The following PTPRF variants were observed in gnomAD, a reference collection of about 807,000 sequenced individuals.
The protein encoded by PTPRF is protein tyrosine phosphatase receptor type F.
In PTPRF, 59 loss-of-function variants were observed where a neutral mutation model predicts 201.8. The observed-to-expected ratio is 0.29, with a 90% CI of 0.24 to 0.36. The LOEUF (loss-of-function observed/expected upper bound fraction) is 0.36, where lower values mean the gene tolerates loss of function less well. PTPRF is among the 10% of genes least tolerant of loss of function. PTPRF has a pLI of 1.00. For missense variants in PTPRF, 2,132 were observed against 2,690.5 expected (o/e 0.79, Z 4.59); for synonymous variants, 1,088 against 1,089.7 (o/e 1.00, Z 0.03).
rs529058684 is a variant in PTPRF, at chr1:43,591,852, G to A, written c.1572G>A (p.Ser524=). The A allele has an allele frequency of 2.7e-4, 432 of 1,613,438 alleles. 7 individuals carry two copies. In the South Asian group the frequency reaches 3.9e-3, roughly 14 times the overall value. The stretch of plus-strand genomic sequence containing the variant: ...CGGACTTCCAGGCCGAGGTGGAGTC[G>A]GACACCAGGATCCAGCTCTCGTGGC... ...QPADFQAEVE[S]DTRIQLSWLL... is the part of the protein sequence containing the mutation. Residue 524 remains serine, a synonymous_variant, in exon 10 of 34, where the codon TCG becomes TCA. Transcript: ENST00000359947.
At chr1:43,544,892 A>C in intron 2 of PTPRF, 139 bp from the exon 3 acceptor site, 1 of 582,618 alleles carries the variant, frequency 1.7e-6, no homozygotes, top group Non-Finnish European at 3.0e-6. Context: ...TGGTCATTGC[A>C]CAGCCCAAGT....
intron 19 of PTPRF, among the ~76,000 whole-genome samples, chr1:43,605,911 G>C (rs1385948039): frequency 6.6e-6 from 1 of 152,350 alleles, no homozygotes; most frequent in Non-Finnish European, 1.5e-5. Flanking sequence ...GAGCCTCGCA[G>C]ATCTAGAAGC....
intron 22 of PTPRF, 170 bp from the exon 23 acceptor site, chr1:43,613,448 C>T: frequency 3.1e-6 from 2 of 646,816 alleles, no homozygotes; most frequent in Admixed American, 2.2e-5. Flanking sequence ...CTGTCCTCTC[C>T]CACCCTCCGC....
At chr1:43,597,130 A>G (rs529773996) in intron 11 of PTPRF, among the ~76,000 whole-genome samples, 57 of 151,664 alleles carry the variant, frequency 3.8e-4, no homozygotes, top group Non-Finnish European at 7.1e-4. Context: ...CACGTGTGAG[A>G]CACTGTGTAT....
intron 6 of PTPRF, among the ~76,000 whole-genome samples, chr1:43,577,653 G>C (rs974913406): frequency 2.0e-5 from 3 of 152,142 alleles, no homozygotes; most frequent in Non-Finnish European, 2.9e-5. Flanking sequence ...GGCAGGGGGG[G>C]CCCGGCAGCT....
chr1:43,566,140 T>C (rs911747598), intron 5 of PTPRF, among the ~76,000 whole-genome samples: 2 of 151,858 alleles, frequency 1.3e-5, no homozygotes, highest in Non-Finnish European at 1.5e-5. Flanking sequence ...CGAGGCGTGG[T>C]GTGGGGGAGG....
In PTPRF at chr1:43,605,543, T is replaced by C. The variant is rs751794621; in HGVS notation, c.3404T>C (p.Val1135Ala). The change falls in exon 19 of 34, where the codon GTT (valine) becomes GCT (alanine). Residue 1135 changes from valine (V) to alanine (A), a missense_variant. Physicochemically the swap from Val to Ala is moderately conservative, Grantham distance 64. This residue lies in a region of PTPRF where 818 missense variants were observed against 915.3 expected (regional missense o/e 0.89). Transcript: ENST00000359947. ...TGCCCACCCAGGTGGTTCTACATTG[T>C]TGTGGTGCCCATTGACCGTGTGGGC... ...DPSLVRWFYIVVVPIDRVGGS... is the reference protein window; with the variant it reads ...DPSLVRWFYIAVVPIDRVGGS... The C allele has an allele frequency of 1.4e-5, 23 of 1,613,986 alleles. No homozygotes were observed. Among genetic ancestry groups the C allele is most frequent in the Non-Finnish European group, 1.9e-5 (22 of 1,179,996 alleles).
intron 21 of PTPRF, among the ~76,000 whole-genome samples, chr1:43,609,138 C>T (rs917822797): frequency 1.3e-5 from 2 of 152,202 alleles, no homozygotes; most frequent in African/African-American, 4.8e-5. Context: ...ACCCCTTCCT[C>T]CCTGCTGCAC....
In PTPRF at chr1:43,603,545, G is replaced by A. The variant is rs767180997; in HGVS notation, c.2458+12G>A. 1.9e-6 allele frequency: 3 copies of A among 1,613,626 alleles called. No individual in the cohort carries two copies. The highest frequency in any genetic ancestry group is 2.5e-6 in the Non-Finnish European group (3 of 1,179,672). On this transcript the variant is annotated intron_variant, in intron 15 of 33. Transcript: ENST00000359947. The surrounding 1 kb of genome is among the most constrained non-coding windows in gnomAD (Gnocchi z 5.8). ...TACAACAGGTGCAGGTGAGTGAGGG[G>A]TCAGGACGGACCTGAGGGTGGGGCA...
chr1:43,556,915 T>C (rs1254611096), intron 5 of PTPRF, among the ~76,000 whole-genome samples: 2 of 152,328 alleles, frequency 1.3e-5, no homozygotes, highest in East Asian at 3.9e-4. Flanking sequence ...CGGGGGGACA[T>C]ACCTGTGCAA....
At chr1:43,577,242 G>A (rs868179339) in intron 6 of PTPRF, among the ~76,000 whole-genome samples, 26 of 152,232 alleles carry the variant, frequency 1.7e-4, no homozygotes, top group African/African-American at 5.8e-4. Flanking sequence ...ACCCCTCAGC[G>A]GCCTGAACCC....
rs200828266 is a variant in PTPRF, at chr1:43,579,223, A to G, written c.679+303A>G. ...CCCCATGGGAATTTGGAGCCATCCA[A>G]TCCGACTTCTTGGTGTATGTGCATG... On this transcript the variant is annotated intron_variant, in intron 7 of 33. Transcript: ENST00000359947. 891 of 600,678 alleles carry G rather than the reference A, an allele frequency of 1.5e-3. 6 individuals carry two copies. Among genetic ancestry groups the G allele is most frequent in the Admixed American group, 2.7e-3 (126 of 46,256 alleles). 37.2% of individuals were successfully genotyped at this position (600,678 alleles called of 1,614,324 possible).
At chr1:43,590,045 G>T (rs1008028908) in intron 8 of PTPRF, among the ~76,000 whole-genome samples, 2 of 152,164 alleles carry the variant, frequency 1.3e-5, no homozygotes, top group African/African-American at 4.8e-5. Context: ...TTAGGATACA[G>T]ATCAGGATCC....
At chr1:43,608,705 CTG>C (rs1252792776) in intron 21 of PTPRF, among the ~76,000 whole-genome samples, 4 of 152,226 alleles carry the variant, frequency 2.6e-5, no homozygotes, top group Non-Finnish European at 5.9e-5. Context: ...AGAGCAGTCA[CTG>C]TGTGGAACAG....
At position 43,598,844 on chromosome 1, in the gene PTPRF, C is replaced by T. The variant is rs759190657; in HGVS notation, c.2244C>T (p.Tyr748=). 10 of 1,614,106 alleles carry T rather than the reference C, an allele frequency of 6.2e-6. No individual in the cohort carries two copies. The highest frequency in any genetic ancestry group is 5.5e-5 in the South Asian group (5 of 91,090). ...AGATCCGCGGCTACCAGGTCACCTA[C>T]GTGCGGCTGGAGAATGGCGAGCCCC... ...HGQIRGYQVT[Y]VRLENGEPRG... The change falls in exon 13 of 34, where the codon TAC becomes TAT. Residue 748 remains tyrosine (Y), a synonymous_variant. Transcript: ENST00000359947.
In PTPRF at chr1:43,554,015, G is replaced by A. The variant is rs1645192860; in HGVS notation, c.379+74G>A. The stretch of plus-strand genomic sequence containing the variant: ...GGAAGAGCCAGCCAGCCCTGATCCT[G>A]TCCTGGGCCCATGTGCATTTGGCAG... On this transcript the variant is annotated intron_variant, in intron 5 of 33. Transcript: ENST00000359947. The surrounding 1 kb of genome is among the most constrained non-coding windows in gnomAD (Gnocchi z 4.1). 1 of 1,570,428 alleles carries A rather than the reference G, an allele frequency of 6.4e-7. No homozygotes were observed. The highest frequency in any genetic ancestry group is 8.7e-7 in the Non-Finnish European group (1 of 1,155,272).
At chr1:43,585,970 C>T (rs1337624726) in intron 7 of PTPRF, among the ~76,000 whole-genome samples, 1 of 152,208 alleles carries the variant, frequency 6.6e-6, no homozygotes. Context: ...TCCTCTCCTG[C>T]CAGCCTCTGC....
intron 23 of PTPRF, among the ~76,000 whole-genome samples, chr1:43,614,903 A>AAG (rs781453737): frequency 2.5e-4 from 38 of 152,078 alleles, no homozygotes; most frequent in African/African-American, 9.2e-4. Context: ...TTACTTAAAA[A>AAG]AGAGAGAGAG....
At chr1:43,527,875 G>A (rs1485806094), upstream of PTPRF, among the ~76,000 whole-genome samples, 1 of 152,232 alleles carries the variant, frequency 6.6e-6, no homozygotes, top group Non-Finnish European at 1.5e-5. Context: ...ACTTGGTCAG[G>A]GAGCTGTTCC....
Sources: allele counts gnomAD v4.1 joint callset (sites outside exome capture counted in the v4.1 genomes callset), GRCh38; gene constraint gnomAD v4.1.1; regional missense constraint gnomAD v4.1.1; non-coding constraint Gnocchi (gnomAD v3.1); transcripts MANE v1.5; gene names NCBI Gene and HGNC (gene_info 2026-07-23, HGNC 2026-07-21).